The following AFF1 variants were observed in gnomAD, a reference collection of about 807,000 sequenced individuals.
AFF1 encodes ALF transcription elongation factor 1.
A neutral mutation model predicts 121.7 loss-of-function variants in AFF1; 48 were observed. The observed-to-expected ratio is 0.39, with a 90% CI of 0.31 to 0.50. AFF1 has a LOEUF of 0.50. Ranked by LOEUF, AFF1 falls within the 20% of genes least tolerant of loss-of-function variation. The probability of loss-of-function intolerance (pLI) is 0.76; values close to 1 mark genes in which losing one functional copy is unlikely to be tolerated. For missense variants in AFF1, 1,523 were observed against 1,511.7 expected (o/e 1.01, Z -0.12); for synonymous variants, 613 against 563.0 (o/e 1.09, Z -1.26).
intron 2 of AFF1, among the ~76,000 whole-genome samples, chr4:86,978,106 G>T (rs1352122263): frequency 6.9e-6 from 1 of 145,190 alleles, no homozygotes; most frequent in Non-Finnish European, 1.5e-5. Context: ...TTCAATCAAA[G>T]AATGTTAGAA....
At chr4:87,115,406 A>C in intron 12 of AFF1, 107 bp downstream of exon 12, 3 of 1,171,534 alleles carry the variant, frequency 2.6e-6, no homozygotes, top group Non-Finnish European at 3.5e-6. Flanking sequence ...TTGTCTCACA[A>C]GTCTTTGCTT....
intron 2 of AFF1, among the ~76,000 whole-genome samples, chr4:86,991,069 T>C (rs1013066070): frequency 9.2e-5 from 14 of 151,394 alleles, no homozygotes; most frequent in South Asian, 2.1e-4. Context: ...GGAAAATTAC[T>C]TGAACCCAGG....
intron 15 of AFF1, 89 bp downstream of exon 15, chr4:87,127,206 G>T: frequency 2.5e-6 from 3 of 1,193,292 alleles, no homozygotes; most frequent in South Asian, 2.5e-5. Flanking sequence ...TGTCACCCAG[G>T]CTGGAGTGTA....
At chr4:86,954,420 G>T (rs1269663541) in intron 2 of AFF1, among the ~76,000 whole-genome samples, 1 of 152,162 alleles carries the variant, frequency 6.6e-6, no homozygotes, top group Non-Finnish European at 1.5e-5. Context: ...CTAGAGAAAA[G>T]AAAATGTTAT....
intron 1 of AFF1, among the ~76,000 whole-genome samples, chr4:86,941,482 A>G (rs377423301): frequency 6.5e-4 from 99 of 152,214 alleles, no homozygotes; most frequent in African/African-American, 2.2e-3. Flanking sequence ...AACGTGATGA[A>G]ACCCCGTCTC....
At chr4:86,998,386 T>C (rs1725412223) in intron 2 of AFF1, among the ~76,000 whole-genome samples, 1 of 152,200 alleles carries the variant, frequency 6.6e-6, no homozygotes, top group Non-Finnish European at 1.5e-5. Flanking sequence ...GACTTGATTA[T>C]AGTTGTTTTG....
intron 1 of AFF1, among the ~76,000 whole-genome samples, chr4:86,945,281 A>G (rs1720769839): frequency 6.6e-6 from 1 of 150,806 alleles, no homozygotes; most frequent in Non-Finnish European, 1.5e-5. Context: ...CTCTGTTTTT[A>G]AATAGAGCCA....
intron 2 of AFF1, chr4:87,007,329 G>A: frequency 6.2e-7 from 1 of 1,606,408 alleles, no homozygotes; most frequent in Non-Finnish European, 8.5e-7. Context: ...CCGCCAAATG[G>A]TGAGCGCGGC....
At chr4:87,058,857 C>T (rs1185589181) in intron 4 of AFF1, among the ~76,000 whole-genome samples, 6 of 152,188 alleles carry the variant, frequency 3.9e-5, no homozygotes, top group African/African-American at 9.7e-5. Context: ...CTTCACGCCA[C>T]TGCCTCTGCC....
intron 2 of AFF1, among the ~76,000 whole-genome samples, chr4:86,987,423 G>GA (rs1354088612): frequency 1.3e-5 from 2 of 152,144 alleles, no homozygotes; most frequent in Admixed American, 6.5e-5. Context: ...AGCAGGATCT[G>GA]AACATAACAG....
chr4:87,140,479 ATATTATAT>A lies in AFF1; in HGVS notation c.*4782_*4789del. The A allele has an allele frequency of 6.0e-6, 1 of 166,130 alleles. No homozygotes were observed. The highest frequency in any genetic ancestry group is 1.3e-5 in the Non-Finnish European group (1 of 77,218). The allele number at this position is 166,130 out of a possible 1,614,324, so 10.3% of individuals were successfully genotyped here. ...TTTTTATTTATTACCATTATATATTATATTATATTATATTATATATTTTTTGCTTTCTT... is the reference window on the plus strand; with the variant it reads ...TTTTTATTTATTACCATTATATATTATATATTATATATTTTTTGCTTTCTT... On this transcript the variant is annotated 3_prime_UTR_variant, in exon 21 of 21. Transcript: ENST00000395146.
At chr4:86,995,306 C>A (rs1481960361) in intron 2 of AFF1, among the ~76,000 whole-genome samples, 1 of 137,686 alleles carries the variant, frequency 7.3e-6, no homozygotes, top group Non-Finnish European at 1.6e-5. Flanking sequence ...CCCTCCCTCC[C>A]CCTCTCCCCA....
At chr4:86,949,859 C>T (rs1721172848) in intron 2 of AFF1, 1 of 1,613,872 alleles carries the variant, frequency 6.2e-7, no homozygotes, top group African/African-American at 1.3e-5. Context: ...GTAGTTGGGG[C>T]AGGACACCAG....
chr4:86,996,527 CA>C (rs1222808915), intron 2 of AFF1, among the ~76,000 whole-genome samples: 4 of 151,196 alleles, frequency 2.6e-5, no homozygotes, highest in Non-Finnish European at 4.4e-5. Context: ...TTGAAGGCAG[CA>C]TGCTCGTTAA....
At position 87,137,927 on chromosome 4, in the gene AFF1, G is replaced by C. The variant is rs1212901491; in HGVS notation, c.*2226G>C. On this transcript the variant is annotated 3_prime_UTR_variant, in exon 21 of 21. Transcript: ENST00000395146. The stretch of plus-strand genomic sequence containing the variant: ...TTGTGCCAGAGCATGTGCGTGTTCT[G>C]TTGGCAAGCCACAGTGCTCCCTTGA... 1 of 231,594 alleles carries C rather than the reference G, an allele frequency of 4.3e-6. No individual in the cohort carries two copies. Among genetic ancestry groups the C allele is most frequent in the East Asian group, 6.1e-5 (1 of 16,388 alleles). The allele number at this position is 231,594 out of a possible 1,614,324, so 14.3% of individuals were successfully genotyped here.
intron 2 of AFF1, among the ~76,000 whole-genome samples, chr4:87,022,065 C>T (rs1727952194): frequency 6.6e-6 from 1 of 151,964 alleles, no homozygotes; most frequent in Admixed American, 6.6e-5. Context: ...ATTAGCCAGG[C>T]GTGGTGGCGG....
intron 2 of AFF1, among the ~76,000 whole-genome samples, chr4:86,963,801 T>C (rs1722322244): frequency 9.1e-6 from 1 of 109,444 alleles, no homozygotes; most frequent in African/African-American, 2.7e-5. Flanking sequence ...TTTTCATTTC[T>C]TTTTTTTTTT....
intron 2 of AFF1, among the ~76,000 whole-genome samples, chr4:86,995,652 C>T (rs1227485520): frequency 1.3e-5 from 2 of 150,810 alleles, no homozygotes; most frequent in South Asian, 2.1e-4. Flanking sequence ...GGTGTGATCT[C>T]GGCTCGCTAC....
At chr4:86,940,565 A>AT (rs1473224222) in intron 1 of AFF1, among the ~76,000 whole-genome samples, 1 of 151,912 alleles carries the variant, frequency 6.6e-6, no homozygotes, top group Non-Finnish European at 1.5e-5. Flanking sequence ...CGACCAGCTA[A>AT]TTTTTGTATT....
Sources: allele counts gnomAD v4.1 joint callset (sites outside exome capture counted in the v4.1 genomes callset), GRCh38; gene constraint gnomAD v4.1.1; transcripts MANE v1.5; gene names NCBI Gene and HGNC (gene_info 2026-07-23, HGNC 2026-07-21).